The following ADGRD1 variants were observed in gnomAD, a reference collection of about 807,000 sequenced individuals.
ADGRD1 encodes the protein G-protein coupled receptor 133.
Under a neutral mutation model 113.4 loss-of-function variants are expected in ADGRD1, and 77 were observed. The ratio of observed to expected loss-of-function variants is 0.68; its 90% CI spans 0.57 to 0.82. The LOEUF (loss-of-function observed/expected upper bound fraction) is 0.82, where lower values mean the gene tolerates loss of function less well. Ranked by LOEUF, ADGRD1 falls within the 40% of genes least tolerant of loss-of-function variation. The pLI is 0.00. For missense variants in ADGRD1, 1,036 were observed against 1,139.1 expected (o/e 0.91, Z 1.30); for synonymous variants, 474 against 475.0 (o/e 1.00, Z 0.03).
intron 13 of ADGRD1, among the ~76,000 whole-genome samples, chr12:131,036,643 G>A (rs943224819): frequency 1.3e-5 from 1 of 75,648 alleles, no homozygotes; most frequent in African/African-American, 6.4e-5. Flanking sequence ...CTCACTGCAC[G>A]GGGCCTCACT....
In ADGRD1 at chr12:131,057,255, T is replaced by TC. The variant is rs1292697472; in HGVS notation, c.1474-19545dup. 6.6e-6 allele frequency among the ~76,000 whole-genome samples: 1 copy of TC among 152,164 alleles called. No homozygotes were observed. Among genetic ancestry groups the TC allele is most frequent in the East Asian group, 1.9e-4 (1 of 5,190 alleles). ...TGGTGTTTGAGAGAAGCTCTGTGCT[T>TC]CACCCCTGAAGCTGGGTTGGATGGC... On this transcript the variant is annotated intron_variant, in intron 13 of 24. Coordinates refer to ENST00000261654, the MANE Select transcript of ADGRD1 (RefSeq NM_198827.5). The surrounding 1 kb of genome is among the most constrained non-coding windows in gnomAD (Gnocchi z 4.2).
At chr12:131,055,369 T>C (rs920887616) in intron 13 of ADGRD1, among the ~76,000 whole-genome samples, 1 of 152,230 alleles carries the variant, frequency 6.6e-6, no homozygotes, top group African/African-American at 2.4e-5. Flanking sequence ...CTGCCAGTTT[T>C]GTGTCTATTA....
intron 6 of ADGRD1, chr12:130,988,443 A>AG (rs1212131031): frequency 6.6e-6 from 1 of 152,250 alleles, no homozygotes; most frequent in Non-Finnish European, 1.5e-5. Context: ...CAGGAGAGAA[A>AG]GGCCTGAGTT....
At chr12:131,033,993 C>T (rs951289345) in intron 13 of ADGRD1, among the ~76,000 whole-genome samples, 6 of 152,196 alleles carry the variant, frequency 3.9e-5, no homozygotes, top group African/African-American at 1.2e-4. Context: ...CGGTACCCAT[C>T]GTCACCATCA....
intron 8 of ADGRD1, 57 bp downstream of exon 8, chr12:130,992,449 C>G: frequency 7.0e-7 from 1 of 1,423,780 alleles, no homozygotes; most frequent in South Asian, 1.2e-5. Flanking sequence ...TTACCGGGAC[C>G]ATAGATGTTT....
intron 16 of ADGRD1, 133 bp from the exon 17 acceptor site, chr12:131,105,621 A>G (rs1950216478): frequency 3.0e-6 from 2 of 656,832 alleles, no homozygotes; most frequent in East Asian, 2.7e-5. Flanking sequence ...GATGGTCCAC[A>G]GCAGGGAGTG....
chr12:131,036,827 C>T (rs1467792645), intron 13 of ADGRD1, among the ~76,000 whole-genome samples: 3 of 143,204 alleles, frequency 2.1e-5, no homozygotes, highest in Admixed American at 1.4e-4. Context: ...GTCTCACTCA[C>T]TGCCCCAGGC....
chr12:130,968,134 C>T (rs1871219345), intron 3 of ADGRD1: 2 of 152,226 alleles, frequency 1.3e-5, no homozygotes, highest in Admixed American at 1.3e-4. Flanking sequence ...TCTCTCTTCA[C>T]CCCTATACCT....
chr12:131,125,859 G>A (rs926410011), intron 20 of ADGRD1, among the ~76,000 whole-genome samples: 5 of 152,138 alleles, frequency 3.3e-5, no homozygotes, highest in African/African-American at 9.7e-5. Flanking sequence ...CTAACACAAA[G>A]CCTCTTTATA....
intron 20 of ADGRD1, among the ~76,000 whole-genome samples, chr12:131,125,384 A>G (rs1950716350): frequency 6.6e-6 from 1 of 152,176 alleles, no homozygotes; most frequent in South Asian, 2.1e-4. Context: ...CACCGAGGAA[A>G]GAAGGAGAGT....
At chr12:131,062,083 G>A (rs1884375352) in intron 13 of ADGRD1, among the ~76,000 whole-genome samples, 1 of 152,134 alleles carries the variant, frequency 6.6e-6, no homozygotes, top group South Asian at 2.1e-4. Context: ...CTGGAGTGAG[G>A]TGGTGCAATT....
intron 2 of ADGRD1, chr12:130,957,728 T>G (rs1474586864): frequency 1.3e-5 from 2 of 152,254 alleles, no homozygotes; most frequent in African/African-American, 4.8e-5. Flanking sequence ...GGCACTGTCT[T>G]AGAGAAACGA....
At chr12:130,997,372 T>C (rs1443301332) in intron 8 of ADGRD1, among the ~76,000 whole-genome samples, 10 of 126,248 alleles carry the variant, frequency 7.9e-5, no homozygotes, top group Admixed American at 6.8e-4. Flanking sequence ...CCAGACGGGG[T>C]GGCTGCCGGG....
At chr12:131,135,300 G>A (rs941572936) in intron 21 of ADGRD1, among the ~76,000 whole-genome samples, 4 of 152,180 alleles carry the variant, frequency 2.6e-5, no homozygotes, top group Non-Finnish European at 5.9e-5. Context: ...ATACAATGGG[G>A]TCAATATATA....
At chr12:130,979,333 C>G (rs1486134360) in intron 4 of ADGRD1, among the ~76,000 whole-genome samples, 1 of 152,182 alleles carries the variant, frequency 6.6e-6, no homozygotes, top group East Asian at 1.9e-4. Context: ...AAATTCCATA[C>G]CAGGGTTATA....
intron 4 of ADGRD1, among the ~76,000 whole-genome samples, chr12:130,973,543 C>G (rs10734984): frequency 0.85 from 129,938 of 152,084 alleles, 57,505 homozygotes; most frequent in Non-Finnish European, 0.96. Context: ...TTCTGACAGA[C>G]GGGCCGTTGT....
intron 8 of ADGRD1, 50 bp downstream of exon 8, chr12:130,992,442 C>T (rs1381561458): frequency 6.8e-7 from 1 of 1,480,218 alleles, no homozygotes; most frequent in Non-Finnish European, 9.3e-7. Context: ...GGCACCCTTA[C>T]CGGGACCATA....
chr12:131,073,008 C>T (rs1885303423), intron 13 of ADGRD1, among the ~76,000 whole-genome samples: 1 of 152,202 alleles, frequency 6.6e-6, no homozygotes, highest in African/African-American at 2.4e-5. Flanking sequence ...ACCATGTGCC[C>T]CTGCTCTACT....
At chr12:131,088,984 G>A (rs1404966564) in intron 15 of ADGRD1, among the ~76,000 whole-genome samples, 1 of 152,172 alleles carries the variant, frequency 6.6e-6, no homozygotes, top group Non-Finnish European at 1.5e-5. Context: ...TTCCGACAAG[G>A]CCCGGGTGGA....
Sources: gnomAD v4.1 joint callset for allele counts (sites outside exome capture counted in the v4.1 genomes callset) on GRCh38, gnomAD v4.1.1 for gene constraint, Gnocchi (gnomAD v3.1) non-coding constraint, MANE v1.5 for transcripts, NCBI Gene and HGNC (gene_info 2026-07-23, HGNC 2026-07-21) for gene names.